The following ABLIM1 variants were observed in gnomAD, a reference collection of about 807,000 sequenced individuals.
ABLIM1 encodes the protein actin binding LIM protein 1.
In ABLIM1, 40 loss-of-function variants were observed where a neutral mutation model predicts 107.0. The observed-to-expected ratio is 0.37, with a 90% confidence interval of 0.29 to 0.49. ABLIM1 has a LOEUF of 0.49. ABLIM1 is among the 20% of genes least tolerant of loss of function. The pLI, the probability that ABLIM1 is intolerant of heterozygous loss-of-function variation, is 0.97. For synonymous variants in ABLIM1, 357 were observed against 357.3 expected, an observed-to-expected ratio of 1.00 and a Z score of 0.01; for missense variants, 857 against 1,008.5, an observed-to-expected ratio of 0.85 and a Z score of 2.04.
chr10:114,755,355 T>C (rs942389341), intron 1 of ABLIM1, among the ~76,000 whole-genome samples: 2 of 152,110 alleles, frequency 1.3e-5, no homozygotes, highest in Admixed American at 1.3e-4. Context: ...CAGTCCCTGG[T>C]GCCAAAAAGG....
At chr10:114,660,931 G>T (rs746730310), upstream of ABLIM1, among the ~76,000 whole-genome samples, 9 of 152,086 alleles carry the variant, frequency 5.9e-5, no homozygotes, top group Non-Finnish European at 8.8e-5. Context: ...GGCTTTCTTG[G>T]TCCCTAAACT....
rs771927361 is a variant in ABLIM1, at chr10:114,658,040, C to A, written c.161G>T (p.Arg54Leu). Residue 54 changes from arginine to leucine, a missense_variant, in exon 1 of 23, where the codon CGT (arginine) becomes CTT (leucine). Transcript: ENST00000533213. The stretch of plus-strand genomic sequence containing the variant: ...ATACAGCAAATGAGTGATAGTGGCA[C>A]GCCTATGAGCGGTGAAGGAGGTCCC... ...VSGTSFTAHR[R>L]ATITHLLYLC... The A allele has an allele frequency of 6.2e-7, 1 of 1,614,164 alleles. No individual in the cohort carries two copies. The highest frequency in any genetic ancestry group is 8.5e-7 in the Non-Finnish European group (1 of 1,180,038).
intron 1 of ABLIM1, among the ~76,000 whole-genome samples, chr10:114,656,828 C>A (rs554748784): frequency 6.6e-5 from 10 of 152,084 alleles, no homozygotes; most frequent in Non-Finnish European, 1.5e-4. Flanking sequence ...AACGAAAGAC[C>A]ACAGATTATA....
At chr10:114,479,416 T>A (rs2057004240) in intron 8 of ABLIM1, among the ~76,000 whole-genome samples, 1 of 152,206 alleles carries the variant, frequency 6.6e-6, no homozygotes, top group South Asian at 2.1e-4. Flanking sequence ...TGTGAAGCAA[T>A]TCATCACAGT....
chr10:114,578,785 C>T (rs796903033), intron 2 of ABLIM1, among the ~76,000 whole-genome samples: 23 of 111,694 alleles, frequency 2.1e-4, no homozygotes, highest in South Asian at 3.0e-4. Context: ...TCTTTCTTTT[C>T]TTTTTTTTTT....
rs1037337570 is a variant in ABLIM1 at position 114,437,740 on chromosome 10, A to AT, written c.2223+103dup. 506 of 955,850 alleles carry AT rather than the reference A, an allele frequency of 5.3e-4. 1 individual carries two copies. Among genetic ancestry groups the AT allele is most frequent in the South Asian group, 6.3e-4 (40 of 63,128 alleles). The allele number at this position is 955,850 out of a possible 1,614,324, so 59.2% of individuals were successfully genotyped here. A position where few individuals can be genotyped will look rare whatever the true frequency, so the allele number is the denominator to read the frequency against. On this transcript the variant is annotated intron_variant, in intron 22 of 22. Coordinates refer to ENST00000533213, the MANE Select transcript of ABLIM1 (RefSeq NM_002313.7). ...CTATGACATGAGGGTGATCTTTATA[A>AT]TTTTTTTTTGTTTTCACTGAAGAAA...
At chr10:114,585,957 A>G (rs2074140858) in intron 2 of ABLIM1, among the ~76,000 whole-genome samples, 1 of 152,198 alleles carries the variant, frequency 6.6e-6, no homozygotes, top group Non-Finnish European at 1.5e-5. Flanking sequence ...GTCTTCCACA[A>G]TACTTACAGA....
At chr10:114,536,353 TTCTCATGCCTCAGCTTCCTGAGTAG>T (rs2066027201) in intron 6 of ABLIM1, among the ~76,000 whole-genome samples, 1 of 145,258 alleles carries the variant, frequency 6.9e-6, no homozygotes, top group African/African-American at 2.5e-5. Context: ...GTTCAAGTGA[TTCTCATGCCTCAGCTTCCTGAGTAG>T]CTGGGATTAC....
chr10:114,753,147 C>A (rs922443671), intron 1 of ABLIM1, among the ~76,000 whole-genome samples: 7 of 152,088 alleles, frequency 4.6e-5, no homozygotes, highest in Admixed American at 1.3e-4. Context: ...AATGGTCTCC[C>A]CCTTGGTAGA....
At chr10:114,721,195 G>A (rs1016513780) in intron 1 of ABLIM1, among the ~76,000 whole-genome samples, 1 of 152,108 alleles carries the variant, frequency 6.6e-6, no homozygotes, top group Non-Finnish European at 1.5e-5. Context: ...TTCCAAACAC[G>A]TTACTGGCGT....
At chr10:114,456,103 C>T (rs2062773695) in intron 12 of ABLIM1, among the ~76,000 whole-genome samples, 1 of 152,126 alleles carries the variant, frequency 6.6e-6, no homozygotes, top group African/African-American at 2.4e-5. Context: ...CGTGAGCCAC[C>T]GCACCCGGCT....
At chr10:114,477,695 G>A (rs551228850) in intron 8 of ABLIM1, among the ~76,000 whole-genome samples, 1 of 152,222 alleles carries the variant, frequency 6.6e-6, no homozygotes, top group Admixed American at 6.5e-5. Context: ...AGTTCTCTTG[G>A]CAGAACTAGC....
intron 6 of ABLIM1, among the ~76,000 whole-genome samples, chr10:114,505,570 A>G (rs932848735): frequency 6.6e-6 from 1 of 152,228 alleles, no homozygotes; most frequent in African/African-American, 2.4e-5. Flanking sequence ...TAACATAACA[A>G]GTGCCCTTTA....
At position 114,433,861 on chromosome 10, in the gene ABLIM1, C is replaced by G. The variant is rs752475130; in HGVS notation, c.*2399G>C. On this transcript the variant is annotated 3_prime_UTR_variant, in exon 23 of 23. Coordinates refer to ENST00000533213, the MANE Select transcript of ABLIM1 (RefSeq NM_002313.7). ...ATGTTTCCCAAATACCTTGATTTTT[C>G]TTATATTGACATTTCATCTGCACAT... The G allele has an allele frequency of 6.6e-6, 1 of 152,098 alleles. No homozygotes were observed. Among genetic ancestry groups the G allele is most frequent in the South Asian group, 2.1e-4 (1 of 4,816 alleles). The allele number at this position is 152,098 out of a possible 1,614,324, so 9.4% of individuals were successfully genotyped here.
Position 114,496,460 on chromosome 10 carries a change from G to A in ABLIM1, c.895-4582C>T, listed in dbSNP as rs146635862. 3.0e-3 allele frequency among the ~76,000 whole-genome samples: 459 copies of A among 152,020 alleles called. 2 individuals carry two copies. The highest frequency in any genetic ancestry group is 0.011 in the African/African-American group (445 of 41,442). On this transcript the variant is annotated intron_variant, in intron 6 of 22. Transcript: ENST00000533213. ...TGGGAGCTGAACAATGAGAACACAC[G>A]GACACAGGGAGGGGAACAACACACA...
chr10:114,764,419 C>A (rs2082831591), intron 1 of ABLIM1, among the ~76,000 whole-genome samples: 1 of 152,204 alleles, frequency 6.6e-6, no homozygotes, highest in Non-Finnish European at 1.5e-5. Context: ...GTCACCCAAG[C>A]TGGAGTGCAA....
chr10:114,737,297 AC>A (rs1239590198), intron 1 of ABLIM1, among the ~76,000 whole-genome samples: 1 of 152,194 alleles, frequency 6.6e-6, no homozygotes, highest in African/African-American at 2.4e-5. Flanking sequence ...ACACAGCAAG[AC>A]CCTGTCTCAA....
At chr10:114,646,827 T>C (rs1381327084) in intron 1 of ABLIM1, among the ~76,000 whole-genome samples, 2 of 152,186 alleles carry the variant, frequency 1.3e-5, no homozygotes, top group East Asian at 1.9e-4. Flanking sequence ...GCATCTTCTT[T>C]AAACTCTTAA....
rs186152245 is a variant in ABLIM1, at chr10:114,540,425, A to G, written c.894+4580T>C. Among the ~76,000 whole-genome samples the G allele has an allele frequency of 5.9e-5, 9 of 152,288 alleles. No homozygotes were observed. The East Asian group carries it at 1.7e-3, about 29-fold the overall frequency. On this transcript the variant is annotated intron_variant, in intron 6 of 22. Coordinates refer to ENST00000533213, the MANE Select transcript of ABLIM1 (RefSeq NM_002313.7). ...CAGATTCAGATTGGCTGCCACCCAG[A>G]GCCTTTTCAACTGAGCCGCTGGTGC... is the stretch of plus-strand genomic sequence containing the variant.
Sources: gnomAD v4.1 joint callset for allele counts (sites outside exome capture counted in the v4.1 genomes callset) on GRCh38, gnomAD v4.1.1 for gene constraint, MANE v1.5 for transcripts, NCBI Gene and HGNC (gene_info 2026-07-23, HGNC 2026-07-21) for gene names.